The following SMG1 variants were observed in gnomAD, a reference collection of about 807,000 sequenced individuals.
SMG1 encodes the protein serine/threonine-protein kinase SMG1.
In SMG1, 22 loss-of-function variants were observed where a neutral mutation model predicts 419.9. The ratio of observed to expected loss-of-function variants is 0.05; its 90% CI spans 0.04 to 0.07. The LOEUF (loss-of-function observed/expected upper bound fraction) is 0.07. Among genes scored for constraint, SMG1 ranks in the 10% least tolerant of loss-of-function variants. The pLI is 1.00. For missense variants in SMG1, 3,185 were observed against 4,342.0 expected (o/e 0.73, Z 7.49); for synonymous variants, 1,538 against 1,553.5 (o/e 0.99, Z 0.23).
intron 54 of SMG1, among the ~76,000 whole-genome samples, chr16:18,828,859 G>A (rs1371278429): frequency 2.6e-5 from 4 of 152,112 alleles, no homozygotes; most frequent in Non-Finnish European, 5.9e-5. Flanking sequence ...TTAGCCAGGC[G>A]TGGTGGCACA....
intron 38 of SMG1, among the ~76,000 whole-genome samples, chr16:18,846,505 G>A (rs1340705277): frequency 6.6e-6 from 1 of 152,072 alleles, no homozygotes; most frequent in East Asian, 1.9e-4. Context: ...AGAATACATA[G>A]AGAACTCCTA....
At chr16:18,913,585 G>A (rs2037865649) in intron 1 of SMG1, among the ~76,000 whole-genome samples, 1 of 151,900 alleles carries the variant, frequency 6.6e-6, no homozygotes, top group Non-Finnish European at 1.5e-5. Flanking sequence ...CATTAGTGGA[G>A]CCTTTTTTCT....
At chr16:18,877,906 GTCA>G (rs1240922441) in intron 11 of SMG1, 1 of 152,172 alleles carries the variant, frequency 6.6e-6, no homozygotes, top group Non-Finnish European at 1.5e-5. Flanking sequence ...TCAGCAGAAT[GTCA>G]TCTAGAATTT....
intron 1 of SMG1, among the ~76,000 whole-genome samples, chr16:18,903,603 C>G (rs1242744590): frequency 6.6e-6 from 1 of 152,186 alleles, no homozygotes; most frequent in Non-Finnish European, 1.5e-5. Flanking sequence ...GGCAACTGAT[C>G]CAAGCAGTTT....
chr16:18,813,163 A>C (rs544093527), intron 60 of SMG1, among the ~76,000 whole-genome samples: 82 of 152,272 alleles, frequency 5.4e-4, no homozygotes, highest in Middle Eastern at 3.4e-3. Context: ...AGCATGATTT[A>C]TAGTCCTTTG....
At chr16:18,834,087 A>G in intron 50 of SMG1, 117 bp downstream of exon 50, 1 of 731,410 alleles carries the variant, frequency 1.4e-6, no homozygotes, top group Non-Finnish European at 2.2e-6. Flanking sequence ...TTCCTTTTAA[A>G]TGACTGGTTG....
chr16:18,860,038 G>GA (rs1424779829), intron 26 of SMG1, among the ~76,000 whole-genome samples: 3 of 152,130 alleles, frequency 2.0e-5, no homozygotes, highest in African/African-American at 7.2e-5. Context: ...CCAAGATGGT[G>GA]AAACCCCGTC....
intron 28 of SMG1, chr16:18,858,633 A>C (rs2035045691): frequency 4.7e-6 from 1 of 211,956 alleles, no homozygotes. Context: ...TTTATAATGA[A>C]GTTCTCGAAG....
intron 1 of SMG1, among the ~76,000 whole-genome samples, chr16:18,900,438 G>A (rs146925227): frequency 1.3e-5 from 2 of 152,192 alleles, no homozygotes; most frequent in East Asian, 1.9e-4. Flanking sequence ...GGATGGTATC[G>A]CCTGACTAAA....
At chr16:18,851,984 T>G (rs1176601406) in intron 33 of SMG1, 83 bp downstream of exon 33, 1 of 1,413,234 alleles carries the variant, frequency 7.1e-7, no homozygotes, top group South Asian at 1.5e-5. Context: ...CCATTCAGTA[T>G]TTTATCAAAT....
chr16:18,922,994 C>T (rs1596673242), intron 1 of SMG1, among the ~76,000 whole-genome samples: 1 of 152,094 alleles, frequency 6.6e-6, no homozygotes, highest in Non-Finnish European at 1.5e-5. Flanking sequence ...AGGCAGGAGG[C>T]TTGAGCCTGG....
chr16:18,853,651 G>GT lies in SMG1; in HGVS notation c.4699dup (p.Thr1567AsnfsTer9). The GT allele has an allele frequency of 6.2e-7, 1 of 1,612,074 alleles. No individual in the cohort carries two copies. The highest frequency in any genetic ancestry group is 8.5e-7 in the Non-Finnish European group (1 of 1,178,876). ...ATTAACAGATGGCAGTTCTATTAGA[G>GT]TGAGTATGTTTTTAGACAAAGTAGA... On this transcript the variant is annotated frameshift_variant, in exon 31 of 63. Coordinates refer to ENST00000446231, the MANE Select transcript of SMG1 (RefSeq NM_015092.5). LOFTEE classifies it high-confidence loss of function.
chr16:18,863,580 T>C, intron 25 of SMG1, 70 bp downstream of exon 25: 1 of 1,376,524 alleles, frequency 7.3e-7, no homozygotes, highest in Non-Finnish European at 1.0e-6. Context: ...AATTTTAATA[T>C]TTTCTTGCCA....
chr16:18,819,908 T>G (rs2141143058), intron 55 of SMG1, among the ~76,000 whole-genome samples: 1 of 152,302 alleles, frequency 6.6e-6, no homozygotes, highest in South Asian at 2.1e-4. Context: ...GAAGGAAGTT[T>G]CACTTTCATT....
At chr16:18,887,351 T>C (rs564096457) in intron 6 of SMG1, among the ~76,000 whole-genome samples, 1 of 151,712 alleles carries the variant, frequency 6.6e-6, no homozygotes, top group Non-Finnish European at 1.5e-5. Context: ...GGGAAAAATG[T>C]TTTGTTTTGT....
chr16:18,839,565 T>C, intron 42 of SMG1, 133 bp downstream of exon 42: 2 of 1,182,902 alleles, frequency 1.7e-6, no homozygotes, highest in Non-Finnish European at 1.2e-6. Context: ...AATATTAAAC[T>C]CAAATATACG....
chr16:18,846,989 C>G (rs2034303477), intron 38 of SMG1, among the ~76,000 whole-genome samples: 1 of 152,130 alleles, frequency 6.6e-6, no homozygotes, highest in South Asian at 2.1e-4. Flanking sequence ...AATGTAGAAG[C>G]AACCCAGCTG....
chr16:18,864,096 T>C lies in SMG1; in HGVS notation c.3399A>G (p.Thr1133=), dbSNP rs2035358214. The C allele has an allele frequency of 1.3e-6, 2 of 1,549,214 alleles. No homozygotes were observed. Among genetic ancestry groups the C allele is most frequent in the South Asian group, 2.4e-5 (2 of 83,954 alleles). The change falls in exon 24 of 63, where the codon ACA becomes ACG. Residue 1133 remains threonine (T), a synonymous_variant. Transcript: ENST00000446231. ...VEYQEHLCAM[T]GVDCCISSFD... is the part of the protein sequence containing the mutation. ...AGCTGGAGATGCAGCAATCAACACC[T>C]GTCATGGCACACAGGTGTTCCTGGT...
At chr16:18,895,039 G>A (rs1329189661) in intron 3 of SMG1, among the ~76,000 whole-genome samples, 2 of 151,832 alleles carry the variant, frequency 1.3e-5, no homozygotes, top group Non-Finnish European at 2.9e-5. Context: ...GGATGGTCTC[G>A]ATCTCCTGAC....
Sources: gnomAD v4.1 joint callset for allele counts (sites outside exome capture counted in the v4.1 genomes callset) on GRCh38, gnomAD v4.1.1 for gene constraint, MANE v1.5 for transcripts, NCBI Gene and HGNC (gene_info 2026-07-23, HGNC 2026-07-21) for gene names.